Variants in WDR62 observed in about 807,000 individuals in gnomAD.
WDR62 encodes WD repeat-containing protein 62.
WDR62 carries 112 observed loss-of-function variants against 160.6 expected under a neutral mutation model. The observed-to-expected ratio is 0.70, with a 90% CI of 0.60 to 0.82. WDR62 has a LOEUF of 0.82. Among genes scored for constraint, WDR62 ranks in the 40% least tolerant of loss-of-function variants. WDR62 has a pLI of 0.00. For synonymous variants in WDR62, 792 were observed against 815.1 expected, an observed-to-expected ratio of 0.97 and a Z score of 0.48; for missense variants, 1,819 against 1,983.8, an observed-to-expected ratio of 0.92 and a Z score of 1.58.
intron 16 of WDR62, 56 bp from the exon 17 acceptor site, chr19:36,091,144 T>G: frequency 2.7e-6 from 4 of 1,504,362 alleles, no homozygotes; most frequent in South Asian, 2.3e-5. Flanking sequence ...GGCCCAGGCC[T>G]CATCATAAGG....
chr19:36,081,491 G>T lies in WDR62; in HGVS notation c.1292G>T (p.Cys431Phe). ...ACLPSGSFLTCSSDNTIRFWN... is the reference protein window; with the variant it reads ...ACLPSGSFLTFSSDNTIRFWN... Reference sequence around the variant, plus strand: ...TTGCCATCAGGATCCTTTCTGACTTGTTCTTCAGACAACACCATTCGCTTC... The same window carrying T: ...TTGCCATCAGGATCCTTTCTGACTTTTTCTTCAGACAACACCATTCGCTTC... Residue 431 changes from cysteine (C) to phenylalanine (F), a missense_variant, in exon 10 of 32, where the codon TGT becomes TTT. Cys to Phe is a radical substitution (Grantham distance 205). Transcript: ENST00000401500. 6.2e-7 allele frequency: 1 copy of T among 1,614,174 alleles called. No homozygotes were observed. Among genetic ancestry groups the T allele is most frequent in the South Asian group, 1.1e-5 (1 of 91,088 alleles).
At chr19:36,085,412 A>G (rs6510519) in intron 12 of WDR62, among the ~76,000 whole-genome samples, 76,463 of 118,226 alleles carry the variant, frequency 0.65, 23,177 homozygotes, top group African/African-American at 0.72. Flanking sequence ...ACCACACCTG[A>G]CCTTTTTTTT....
rs368063377 is a variant in WDR62 at position 36,104,694 on chromosome 19, T to C, written c.4311+19T>C. On this transcript the variant is annotated intron_variant, in intron 31 of 31. Coordinates refer to ENST00000401500, the MANE Select transcript of WDR62 (RefSeq NM_001083961.2). ...CCGTGTGGTGAGCTAAGCCCCAGAGTTGGGAAAGGGTTGAGGGGTCTCTTG... is the reference window on the plus strand; with the variant it reads ...CCGTGTGGTGAGCTAAGCCCCAGAGCTGGGAAAGGGTTGAGGGGTCTCTTG... 8.1e-6 allele frequency: 13 copies of C among 1,613,628 alleles called. No individual in the cohort carries two copies. The African/African-American group carries it at 1.5e-4, about 18-fold the overall frequency.
intron 9 of WDR62, chr19:36,075,191 C>G (rs770525986): frequency 9.9e-5 from 15 of 152,202 alleles, no homozygotes; most frequent in Non-Finnish European, 2.1e-4. Context: ...TGCGCCACCA[C>G]GCCTTGCTAA....
At chr19:36,084,583 C>G in intron 11 of WDR62, 70 bp from the exon 12 acceptor site, 1 of 1,465,518 alleles carries the variant, frequency 6.8e-7, no homozygotes, top group Non-Finnish European at 9.5e-7. Flanking sequence ...GCCATTCTGA[C>G]CTATTCTAGA....
intron 9 of WDR62, among the ~76,000 whole-genome samples, chr19:36,077,080 A>C (rs1418380127): frequency 6.6e-6 from 1 of 152,046 alleles, no homozygotes; most frequent in Non-Finnish European, 1.5e-5. Flanking sequence ...TTACAGTGTC[A>C]TGCAGCCATC....
At chr19:36,064,828 C>G (rs1432957317) in intron 3 of WDR62, among the ~76,000 whole-genome samples, 2 of 152,106 alleles carry the variant, frequency 1.3e-5, no homozygotes, top group African/African-American at 2.4e-5. Context: ...ACCACCCACC[C>G]CTCTGCCTCC....
chr19:36,073,944 C>G, intron 9 of WDR62: 2 of 355,892 alleles, frequency 5.6e-6, no homozygotes, highest in South Asian at 4.3e-5. Flanking sequence ...GCGGCAGGAA[C>G]ATGCACTCCA....
At chr19:36,091,165 C>A in intron 16 of WDR62, 35 bp from the exon 17 acceptor site, 6 of 1,578,022 alleles carry the variant, frequency 3.8e-6, no homozygotes, top group Non-Finnish European at 5.2e-6. Flanking sequence ...AAGAAGCAGG[C>A]AGCTGGAGTG....
At chr19:36,109,471 C>T (rs551992666), downstream of WDR62, among the ~76,000 whole-genome samples, 3 of 152,314 alleles carry the variant, frequency 2.0e-5, no homozygotes, top group Non-Finnish European at 2.9e-5. Context: ...CAATGGCTCA[C>T]GCCTGTAATC....
In WDR62 at chr19:36,100,646, G is replaced by C. The variant is rs903403627; in HGVS notation, c.2740-102G>C. On this transcript the variant is annotated intron_variant, in intron 22 of 31. Transcript: ENST00000401500. ...AGTGGAGGGCATGGCACAGGCCCTGGTTCACAGCCTCCAGCAGTGGGGCTG... is the reference window on the plus strand; with the variant it reads ...AGTGGAGGGCATGGCACAGGCCCTGCTTCACAGCCTCCAGCAGTGGGGCTG... The C allele has an allele frequency of 6.4e-6, 10 of 1,568,498 alleles. No individual in the cohort carries two copies. The African/African-American group carries it at 1.3e-4, about 21-fold the overall frequency.
intron 15 of WDR62, 117 bp downstream of exon 15, chr19:36,089,423 A>G: frequency 6.5e-7 from 1 of 1,538,718 alleles, no homozygotes; most frequent in South Asian, 1.1e-5. Context: ...GGGACCCAGC[A>G]GGTGTTCCTT....
intron 20 of WDR62, among the ~76,000 whole-genome samples, 192 bp downstream of exon 20, chr19:36,094,356 C>A (rs1219571787): frequency 2.6e-5 from 4 of 151,958 alleles, no homozygotes; most frequent in African/African-American, 7.3e-5. Context: ...GAGTTGGAGA[C>A]CAGCCTGACC....
chr19:36,088,055 T>G (rs1599809529), intron 13 of WDR62, among the ~76,000 whole-genome samples: 1 of 152,082 alleles, frequency 6.6e-6, no homozygotes, highest in African/African-American at 2.4e-5. Context: ...CTTCCTCCCT[T>G]ATATGGGGCT....
intron 7 of WDR62, chr19:36,070,874 C>G (rs1432152278): frequency 6.5e-6 from 1 of 152,960 alleles, no homozygotes; most frequent in Non-Finnish European, 1.5e-5. Context: ...CTTTGGAGTA[C>G]AGTCTTTATG....
At chr19:36,110,190 G>A in the WDR62 span, among the ~76,000 whole-genome samples, 2 of 152,010 alleles carry the variant, frequency 1.3e-5, no homozygotes, top group African/African-American at 4.8e-5. Flanking sequence ...CCCCCTTTGG[G>A]CCAGGTGCGG....
chr19:36,101,611 G>T (rs62109759), intron 24 of WDR62, 53 bp from the exon 25 acceptor site: 1 of 1,414,502 alleles, frequency 7.1e-7, no homozygotes, highest in South Asian at 1.2e-5. Flanking sequence ...CCCTGGCCCT[G>T]GCTCACCAGA....
In WDR62 at chr19:36,089,026, C is replaced by G; in HGVS notation, c.1769-12C>G. The G allele has an allele frequency of 6.2e-7, 1 of 1,613,782 alleles. No individual in the cohort carries two copies. Among genetic ancestry groups the G allele is most frequent in the Non-Finnish European group, 8.5e-7 (1 of 1,180,016 alleles). ...CCAGCCCTGCCTAACACACAGCGTC[C>G]TCCTCCCCTAGGCAACAGAGACATC... On this transcript the variant is annotated splice_polypyrimidine_tract_variant and intron_variant, in intron 13 of 31. Coordinates refer to ENST00000401500, the MANE Select transcript of WDR62 (RefSeq NM_001083961.2).
At chr19:36,093,091 C>T (rs555801525) in intron 19 of WDR62, among the ~76,000 whole-genome samples, 1 of 152,348 alleles carries the variant, frequency 6.6e-6, no homozygotes, top group Non-Finnish European at 1.5e-5. Flanking sequence ...CCCACCTTGG[C>T]CTCACAAAGT....
Sources: allele counts gnomAD v4.1 joint callset (sites outside exome capture counted in the v4.1 genomes callset), GRCh38; gene constraint gnomAD v4.1.1; transcripts MANE v1.5; gene names NCBI Gene and HGNC (gene_info 2026-07-23, HGNC 2026-07-21).